The following SSX1 variants were observed in gnomAD, a reference collection of about 807,000 sequenced individuals.
The protein encoded by SSX1 is protein SSX1.
A neutral mutation model predicts 14.6 loss-of-function variants in SSX1; 58 were observed. The observed-to-expected ratio is 3.96, with a 90% CI of 3.21 to 4.93. SSX1 has a LOEUF of 4.93. Ranked by LOEUF, SSX1 falls within the 30% of genes most tolerant of loss-of-function variation. The pLI is 0.00. For missense variants in SSX1, 272 were observed against 143.1 expected, an observed-to-expected ratio of 1.90 and a Z score of -4.60; for synonymous variants, 46 against 52.1, an observed-to-expected ratio of 0.88 and a Z score of 0.50.
At position 48,267,047 on chromosome X, in the gene SSX1, C is replaced by G; in HGVS notation, c.*198C>G. On this transcript the variant is annotated 3_prime_UTR_variant, in exon 8 of 8. Transcript: ENST00000376919. ...TTAGTGTTTCCATTGTATTTTCTTA[C>G]AGTGTGCCATTCTGTTAGATACTAT... is the stretch of plus-strand genomic sequence containing the variant. 2.0e-6 allele frequency: 1 copy of G among 488,515 alleles called. No individual in the cohort carries two copies. The highest frequency in any genetic ancestry group is 3.7e-5 in the East Asian group (1 of 26,745). The allele number at this position is 488,515 out of a possible 1,213,427, so 40.3% of individuals were successfully genotyped here. A position where few individuals can be genotyped will look rare whatever the true frequency, so the allele number is the denominator to read the frequency against.
Position 48,261,621 on chromosome X carries a change from A to G in SSX1, c.281-145A>G, listed in dbSNP as rs1314999354. ...ATAAATGAACCAACCATGACTAAACATAATTCAGAAGCAAATCTCAAATAA... is the reference window on the plus strand; with the variant it reads ...ATAAATGAACCAACCATGACTAAACGTAATTCAGAAGCAAATCTCAAATAA... On this transcript the variant is annotated intron_variant, in intron 4 of 7. Coordinates refer to ENST00000376919, the MANE Select transcript of SSX1 (RefSeq NM_005635.4). 1.4e-5 allele frequency: 9 copies of G among 664,412 alleles called. No homozygotes were observed. The Admixed American group carries it at 2.6e-4, about 19-fold the overall frequency. 54.8% of individuals were successfully genotyped at this position (664,412 alleles called of 1,213,427 possible). A position where few individuals can be genotyped will look rare whatever the true frequency, so the allele number is the denominator to read the frequency against.
At chrX:48,256,830 T>TC in intron 1 of SSX1, among the ~76,000 whole-genome samples, 1 of 109,567 alleles carries the variant, frequency 9.1e-6, no homozygotes, top group Middle Eastern at 4.6e-3. Context: ...GGGACTCACT[T>TC]CCCTCCCTTT....
intron 1 of SSX1, among the ~76,000 whole-genome samples, 180 bp from the exon 2 acceptor site, chrX:48,257,042 C>T (rs2059584388): frequency 9.0e-6 from 1 of 111,379 alleles, no homozygotes; most frequent in Non-Finnish European, 1.9e-5. Context: ...CCCAGAGACT[C>T]CAGGCTCCCT....
At chrX:48,257,119 C>T (rs1209319325) in intron 1 of SSX1, 103 bp from the exon 2 acceptor site, 3 of 741,371 alleles carry the variant, frequency 4.0e-6, no homozygotes, top group Non-Finnish European at 6.1e-6. Context: ...AGAAATGCAA[C>T]CCCTAATTCC....
intron 5 of SSX1, among the ~76,000 whole-genome samples, chrX:48,262,904 G>A (rs1270810402): frequency 9.0e-6 from 1 of 110,503 alleles, no homozygotes; most frequent in Admixed American, 9.8e-5. Context: ...AGGAGGTTGA[G>A]GCGGGCAGAT....
chrX:48,256,470 T>G (rs1175380428), intron 1 of SSX1, among the ~76,000 whole-genome samples: 1 of 84,773 alleles, frequency 1.2e-5, no homozygotes, highest in African/African-American at 4.3e-5. Context: ...TTTTTTTTTT[T>G]TTTTTTTTTT....
In SSX1 at chrX:48,266,937, T is replaced by A. The variant is rs1601951390; in HGVS notation, c.*88T>A. On this transcript the variant is annotated 3_prime_UTR_variant, in exon 8 of 8. Transcript: ENST00000376919. The stretch of plus-strand genomic sequence containing the variant: ...CATGGGCATGGCTGCGGCTCCCTCG[T>A]CATCAGGTGCATAGCAAGTGAAAGC... 3 of 999,647 alleles carry A rather than the reference T, an allele frequency of 3.0e-6. No individual in the cohort carries two copies. In the East Asian group the frequency reaches 9.2e-5, roughly 31 times the overall value. The allele number at this position is 999,647 out of a possible 1,213,427, so 82.4% of individuals were successfully genotyped here.
intron 6 of SSX1, among the ~76,000 whole-genome samples, chrX:48,265,349 G>A (rs1601950295): frequency 8.9e-6 from 1 of 111,934 alleles, no homozygotes; most frequent in African/African-American, 3.2e-5. Context: ...TCTAGATTCT[G>A]ATTTAATGTG....
Position 48,257,315 on chromosome X carries a change from C to G in SSX1, c.69+5C>G, listed in dbSNP as rs781992089. 2.7e-5 allele frequency: 33 copies of G among 1,207,391 alleles called. No individual in the cohort carries two copies. The highest frequency in any genetic ancestry group is 8.9e-5 in the East Asian group (3 of 33,705). ...GCATCAGAGAAGAGAAGCAAGGTGA[C>G]GTGACCTGGAGGGGGCAGAGCAGTG... On this transcript the variant is annotated splice_donor_5th_base_variant and intron_variant, in intron 2 of 7. Transcript: ENST00000376919.
chrX:48,261,286 A>G (rs1190088210), intron 4 of SSX1, among the ~76,000 whole-genome samples: 1 of 111,935 alleles, frequency 8.9e-6, no homozygotes, highest in Non-Finnish European at 1.9e-5. Context: ...GTGCTTGAGT[A>G]TCTGCCAAGT....
At chrX:48,257,115 G>A in intron 1 of SSX1, 107 bp from the exon 2 acceptor site, 2 of 730,272 alleles carry the variant, frequency 2.7e-6, no homozygotes, top group Non-Finnish European at 4.2e-6. Flanking sequence ...ATGGAGAAAT[G>A]CAACCCCTAA....
intron 2 of SSX1, 197 bp from the exon 3 acceptor site, chrX:48,257,549 G>C (rs1254868597): frequency 2.7e-6 from 2 of 751,429 alleles, no homozygotes; most frequent in Non-Finnish European, 3.1e-6. Context: ...AAGAGAGCCA[G>C]ACAGCAGCAT....
intron 6 of SSX1, among the ~76,000 whole-genome samples, 156 bp from the exon 7 acceptor site, chrX:48,266,131 A>G: frequency 8.9e-6 from 1 of 112,111 alleles, no homozygotes; most frequent in Non-Finnish European, 1.9e-5. Flanking sequence ...TGTGGGTCTA[A>G]GGCCTCAGCC....
chrX:48,264,339 T>C (rs1319544169), intron 6 of SSX1, among the ~76,000 whole-genome samples: 2 of 112,129 alleles, frequency 1.8e-5, no homozygotes, highest in South Asian at 3.7e-4. Flanking sequence ...ATATTGCAGG[T>C]TGGGTTCCAG....
intron 4 of SSX1, among the ~76,000 whole-genome samples, chrX:48,261,546 A>G (rs2059603747): frequency 1.8e-5 from 2 of 112,255 alleles, no homozygotes. Flanking sequence ...ATGGGATTTA[A>G]CCCCCATTTG....
intron 4 of SSX1, among the ~76,000 whole-genome samples, chrX:48,259,342 C>A (rs2059595591): frequency 8.9e-6 from 1 of 112,119 alleles, no homozygotes; most frequent in African/African-American, 3.2e-5. Context: ...TCAGATCTAA[C>A]ATAGTCATGG....
chrX:48,264,923 C>G (rs2059618137), intron 6 of SSX1, among the ~76,000 whole-genome samples: 1 of 112,653 alleles, frequency 8.9e-6, no homozygotes, highest in Non-Finnish European at 1.9e-5. Context: ...GTGTTTGCTG[C>G]TACACCTTGC....
At chrX:48,260,181 T>C (rs1409475813) in intron 4 of SSX1, among the ~76,000 whole-genome samples, 27 of 103,610 alleles carry the variant, frequency 2.6e-4, no homozygotes, top group Admixed American at 6.3e-4. Flanking sequence ...GTGGTTTTGA[T>C]TTGCATTTCT....
rs782178409 is a variant in SSX1, at chrX:48,266,248, C to T, written c.467-39C>T. On this transcript the variant is annotated intron_variant, in intron 6 of 7. Coordinates refer to ENST00000376919, the MANE Select transcript of SSX1 (RefSeq NM_005635.4). ...GAAAACAGAGCCTAACACTCTTCAA[C>T]GTACCCAACCCTCATCTTCCAACTC... The T allele has an allele frequency of 1.8e-4, 215 of 1,207,746 alleles. 2 individuals are homozygous for T. The Admixed American group carries it at 4.4e-3, about 25-fold the overall frequency.
Sources: allele counts gnomAD v4.1 joint callset (sites outside exome capture counted in the v4.1 genomes callset), GRCh38; gene constraint gnomAD v4.1.1; transcripts MANE v1.5; gene names NCBI Gene and HGNC (gene_info 2026-07-23, HGNC 2026-07-21).